The following POLH variants were observed in gnomAD, a reference collection of about 807,000 sequenced individuals.
POLH encodes the protein DNA polymerase eta, also known as DNA polymerase eta transcript.
POLH carries 53 observed loss-of-function variants against 73.6 expected under a neutral mutation model. The observed-to-expected ratio is 0.72, with a 90% CI of 0.58 to 0.91. The LOEUF is 0.91. POLH is among the 40% of genes least tolerant of loss of function. The pLI, the probability that POLH is intolerant of heterozygous loss-of-function variation, is 0.00. For missense variants in POLH, 768 were observed against 865.4 expected, an observed-to-expected ratio of 0.89 and a Z score of 1.41; for synonymous variants, 292 against 308.5, an observed-to-expected ratio of 0.95 and a Z score of 0.56.
chr6:43,586,395 T>G (rs1299745195), intron 3 of POLH, among the ~76,000 whole-genome samples: 1 of 152,074 alleles, frequency 6.6e-6, no homozygotes, highest in Non-Finnish European at 1.5e-5. Flanking sequence ...GCAGGAGAAT[T>G]GCTTGAACCC....
chr6:43,598,014 AG>A, intron 5 of POLH, 149 bp downstream of exon 5: 1 of 722,166 alleles, frequency 1.4e-6, no homozygotes, highest in South Asian at 1.5e-5. Flanking sequence ...GGAGTTGAAG[AG>A]CAGCCTGGGA....
At chr6:43,598,681 C>A (rs1242063795) in intron 5 of POLH, among the ~76,000 whole-genome samples, 2 of 150,872 alleles carry the variant, frequency 1.3e-5, no homozygotes, top group African/African-American at 2.4e-5. Flanking sequence ...ACTATAAGAA[C>A]AATTTATATA....
chr6:43,584,972 C>G (rs536206043), intron 3 of POLH, among the ~76,000 whole-genome samples: 1 of 152,152 alleles, frequency 6.6e-6, no homozygotes, highest in African/African-American at 2.4e-5. Context: ...AAGACCTCGT[C>G]TCTACCAAAA....
chr6:43,614,328 G>T lies in POLH; in HGVS notation c.1913G>T (p.Cys638Phe), dbSNP rs1768180912. 6.2e-7 allele frequency: 1 copy of T among 1,605,106 alleles called. No homozygotes were observed. Among genetic ancestry groups the T allele is most frequent in the African/African-American group, 1.3e-5 (1 of 74,802 alleles). ...AAEDQVPCEKCGSLVPVWDMP... is the reference protein window; with the variant it reads ...AAEDQVPCEKFGSLVPVWDMP... ...GAGGACCAAGTGCCCTGTGAGAAGT[G>T]TGGCTCCCTGGTACCGGTATGGGAT... Residue 638 changes from cysteine (C) to phenylalanine (F), a missense_variant, in exon 11 of 11, where the codon TGT (cysteine) becomes TTT (phenylalanine). By Grantham distance (205) the Cys-to-Phe change is radical. Transcript: ENST00000372236.
chr6:43,608,860 A>T (rs1037753865), intron 9 of POLH, among the ~76,000 whole-genome samples: 6 of 152,240 alleles, frequency 3.9e-5, no homozygotes, highest in South Asian at 2.1e-4. Flanking sequence ...GGAATTTTTT[A>T]AAAGTAATTC....
At chr6:43,596,444 C>A (rs1041530132) in intron 4 of POLH, among the ~76,000 whole-genome samples, 1 of 152,062 alleles carries the variant, frequency 6.6e-6, no homozygotes, top group African/African-American at 2.4e-5. Flanking sequence ...GATCATGCCA[C>A]TGCACTCCAG....
intron 4 of POLH, 24 bp downstream of exon 4, chr6:43,587,513 T>G: frequency 6.6e-7 from 1 of 1,511,610 alleles, no homozygotes; most frequent in Non-Finnish European, 9.2e-7. Context: ...ATCATACTGC[T>G]TCTGCTTCCT....
chr6:43,610,458 C>A, intron 9 of POLH, 96 bp from the exon 10 acceptor site: 1 of 980,120 alleles, frequency 1.0e-6, no homozygotes. Flanking sequence ...ACCATTGTCA[C>A]CCTGGTTCTT....
Position 43,619,804 on chromosome 6 carries a change from A to G in POLH, c.*5247A>G, listed in dbSNP as rs922187519. ...CCCTAATACAGGAGGAAGTTGTTCA[A>G]CTACAGGCTTGTTAGTAGCAAGTTA... On this transcript the variant is annotated 3_prime_UTR_variant, in exon 11 of 11. Transcript: ENST00000372236. 2.0e-5 allele frequency among the ~76,000 whole-genome samples: 3 copies of G among 152,232 alleles called. No individual in the cohort carries two copies. The highest frequency in any genetic ancestry group is 4.4e-5 in the Non-Finnish European group (3 of 68,042).
At chr6:43,592,578 A>G (rs1338564390) in intron 4 of POLH, among the ~76,000 whole-genome samples, 1 of 151,540 alleles carries the variant, frequency 6.6e-6, no homozygotes, top group Non-Finnish European at 1.5e-5. Flanking sequence ...CGCCCGGCTA[A>G]TTTTTTTGTA....
intron 3 of POLH, among the ~76,000 whole-genome samples, chr6:43,585,637 C>CTTTTTTTTTTTTTTTTTTTTTTT (rs1208848737): frequency 4.3e-4 from 46 of 107,422 alleles, no homozygotes; most frequent in African/African-American, 2.4e-3. Context: ...TCTTTCTTTT[C>CTTTTTTTTTTTTTTTTTTTTTTT]TTTTTTTTTT....
chr6:43,599,329 G>C lies in POLH; in HGVS notation c.660+1464G>C, dbSNP rs531318910. On this transcript the variant is annotated intron_variant, in intron 5 of 10. Coordinates refer to ENST00000372236, the MANE Select transcript of POLH (RefSeq NM_006502.3). ...TTGTATTATCTTGTTATGTGGAATT[G>C]CCTGGGTATTTTATGCTTTTGCCTA... 7.9e-5 allele frequency among the ~76,000 whole-genome samples: 12 copies of C among 152,166 alleles called. No homozygotes were observed. The East Asian group carries it at 2.1e-3, about 27-fold the overall frequency.
Position 43,587,452 on chromosome 6 carries a change from C to G in POLH, c.453C>G (p.Pro151=). The part of the protein sequence containing the change: ...LLPSTYIEGL[P]QGPTTAEETV... ...CAAGCACTTACATTGAAGGGTTGCC[C>G]CAAGGCCCTACAACGGCAGAAGAGA... Residue 151 remains proline (P), a synonymous_variant, in exon 4 of 11, where the codon CCC becomes CCG. Transcript: ENST00000372236. 6.2e-7 allele frequency: 1 copy of G among 1,614,094 alleles called. No homozygotes were observed. The highest frequency in any genetic ancestry group is 8.5e-7 in the Non-Finnish European group (1 of 1,179,948).
intron 10 of POLH, among the ~76,000 whole-genome samples, chr6:43,611,424 T>A (rs1767868916): frequency 6.6e-6 from 1 of 152,346 alleles, no homozygotes; most frequent in Non-Finnish European, 1.5e-5. Context: ...ACTGGTATTA[T>A]ACCAAATGTC....
At position 43,617,970 on chromosome 6, in the gene POLH, A is replaced by G. The variant is rs1768459622; in HGVS notation, c.*3413A>G. On this transcript the variant is annotated 3_prime_UTR_variant, in exon 11 of 11. Transcript: ENST00000372236. ...TTAAAGTTTGAGAAATGCTGATCTA[A>G]AAGATACTAATGACCAGGTGTGTAG... Among the ~76,000 whole-genome samples the G allele has an allele frequency of 6.6e-6, 1 of 152,218 alleles. No homozygotes were observed. Among genetic ancestry groups the G allele is most frequent in the Non-Finnish European group, 1.5e-5 (1 of 68,040 alleles).
chr6:43,587,418 A>G lies in POLH; in HGVS notation c.419A>G (p.Asp140Gly). 6.2e-7 allele frequency: 1 copy of G among 1,614,240 alleles called. No individual in the cohort carries two copies. The highest frequency in any genetic ancestry group is 8.5e-7 in the Non-Finnish European group (1 of 1,180,040). ...QKLQGQPISA[D>G]LLPSTYIEGL... ...CTACAAGGTCAGCCTATCTCGGCAG[A>G]CTTGTTGCCAAGCACTTACATTGAA... Residue 140 changes from aspartate (D) to glycine (G), a missense_variant, in exon 4 of 11, where the codon GAC becomes GGC. Coordinates refer to ENST00000372236, the MANE Select transcript of POLH (RefSeq NM_006502.3).
At chr6:43,590,227 C>T (rs1765294973) in intron 4 of POLH, among the ~76,000 whole-genome samples, 1 of 151,904 alleles carries the variant, frequency 6.6e-6, no homozygotes, top group Non-Finnish European at 1.5e-5. Context: ...GGCATGGTAG[C>T]ATGTGCCTGT....
In POLH at chr6:43,614,059, A is replaced by G. The variant is rs751660765; in HGVS notation, c.1644A>G (p.Ser548=). 1.2e-6 allele frequency: 2 copies of G among 1,614,172 alleles called. No individual in the cohort carries two copies. The highest frequency in any genetic ancestry group is 2.2e-5 in the South Asian group (2 of 91,086). The change falls in exon 11 of 11, where the codon TCA becomes TCG. Residue 548 remains serine, a synonymous_variant. Transcript: ENST00000372236. ...LLKQKQLNNS[S]VSSPQQNPWS... The stretch of plus-strand genomic sequence containing the variant: ...AGCAGAAACAGCTTAATAATTCTTC[A>G]GTTTCTTCCCCCCAACAAAACCCAT...
rs1430246609 is a variant in POLH, at chr6:43,619,957, T to C, written c.*5400T>C. ...TCCAGGGTCTCCTCAAAATGCAGTT[T>C]CTATTTACAGTTGACTTTGGCCCCT... On this transcript the variant is annotated 3_prime_UTR_variant, in exon 11 of 11. Coordinates refer to ENST00000372236, the MANE Select transcript of POLH (RefSeq NM_006502.3). Among the ~76,000 whole-genome samples, 1 of 152,210 alleles carries C rather than the reference T, an allele frequency of 6.6e-6. No individual in the cohort carries two copies. The highest frequency in any genetic ancestry group is 2.4e-5 in the African/African-American group (1 of 41,456).
Sources: gnomAD v4.1 joint callset for allele counts (sites outside exome capture counted in the v4.1 genomes callset) on GRCh38, gnomAD v4.1.1 for gene constraint, MANE v1.5 for transcripts, NCBI Gene and HGNC (gene_info 2026-07-23, HGNC 2026-07-21) for gene names.